DPH6: variants seen among roughly 807,000 people sequenced by gnomAD.
DPH6 encodes the protein diphthamine biosynthesis 6.
In DPH6, 33 loss-of-function variants were observed where a neutral mutation model predicts 38.2. That is an observed-to-expected ratio of 0.86 (90% CI 0.65 to 1.15). The LOEUF (loss-of-function observed/expected upper bound fraction) is 1.15, where lower values mean the gene tolerates loss of function less well. Ranked by LOEUF, DPH6 falls within the 50% of genes most tolerant of loss-of-function variation. The probability of loss-of-function intolerance (pLI) is 0.00; values close to 1 mark genes in which losing one functional copy is unlikely to be tolerated. For missense variants in DPH6, 325 were observed against 320.0 expected (o/e 1.02, Z -0.12); for synonymous variants, 108 against 103.0 (o/e 1.05, Z -0.30).
chr15:35,231,437 C>T (rs1427982113), intron 3 of DPH6, among the ~76,000 whole-genome samples: 8 of 152,214 alleles, frequency 5.3e-5, no homozygotes, highest in African/African-American at 1.9e-4. Context: ...CTCTTCAGTG[C>T]CTCTTCCAGT....
the DPH6 span, among the ~76,000 whole-genome samples, chr15:35,197,960 T>C: frequency 2.0e-5 from 3 of 152,118 alleles, no homozygotes; most frequent in South Asian, 2.1e-4. Context: ...CCTTTTTGCA[T>C]AGACGACTAG....
Position 35,355,538 on chromosome 15 carries a change from C to T in DPH6, n.207+17983G>A, listed in dbSNP as rs1260438696. Among the ~76,000 whole-genome samples, 6 of 152,292 alleles carry T rather than the reference C, an allele frequency of 3.9e-5. No individual in the cohort carries two copies. The East Asian group carries it at 1.2e-3, about 29-fold the overall frequency. On this transcript the variant is annotated intron_variant and non_coding_transcript_variant, in intron 3 of 3. Transcript: ENST00000558973. ...TGTAAAGGATTTTATTTCTCCTCCA[C>T]TTATGAAGTTTAGTTTAGCTGGATA...
chr15:35,237,909 AAGAGGAGGACGTGAGTGG>A, intron 3 of DPH6: 1 of 1,410,080 alleles, frequency 7.1e-7, no homozygotes, highest in South Asian at 1.2e-5. Flanking sequence ...GAGGAAGGTG[AAGAGGAGGACGTGAGTGG>A]AGAGGAGGAG....
At chr15:35,537,454 T>C (rs1365231261) in intron 3 of DPH6, among the ~76,000 whole-genome samples, 1 of 152,160 alleles carries the variant, frequency 6.6e-6, no homozygotes, top group Non-Finnish European at 1.5e-5. Flanking sequence ...ATAACTGAAC[T>C]GTATTCAAAT....
intron 3 of DPH6, among the ~76,000 whole-genome samples, chr15:35,263,360 C>G (rs1475172116): frequency 6.8e-6 from 1 of 148,130 alleles, no homozygotes; most frequent in Non-Finnish European, 1.5e-5. Flanking sequence ...AAATACTTTA[C>G]ATGGAATATA....
intron 3 of DPH6, among the ~76,000 whole-genome samples, chr15:35,525,737 C>T (rs754623569): frequency 1.9e-3 from 294 of 152,126 alleles, no homozygotes; most frequent in Non-Finnish European, 1.8e-3. Flanking sequence ...ATATGCAGGA[C>T]GCTGAGGCAG....
chr15:35,390,429 CAG>C (rs2053037510), intron 6 of DPH6, among the ~76,000 whole-genome samples: 1 of 152,324 alleles, frequency 6.6e-6, no homozygotes, highest in African/African-American at 2.4e-5. Flanking sequence ...TAATATCCTG[CAG>C]AGTGTTTTCC....
chr15:35,154,891 T>C, the DPH6 span, among the ~76,000 whole-genome samples: 22 of 152,310 alleles, frequency 1.4e-4, no homozygotes, highest in East Asian at 1.9e-4. Context: ...CTAAGTTTGA[T>C]TGAGACAAAG....
chr15:35,391,591 C>G (rs1394256306), intron 6 of DPH6, among the ~76,000 whole-genome samples: 3 of 152,200 alleles, frequency 2.0e-5, no homozygotes, highest in Admixed American at 2.0e-4. Flanking sequence ...TGATCTCAGA[C>G]TGCTGTGCTA....
At chr15:35,472,529 A>C (rs922251203) in intron 3 of DPH6, among the ~76,000 whole-genome samples, 24 of 152,202 alleles carry the variant, frequency 1.6e-4, no homozygotes, top group African/African-American at 5.8e-4. Context: ...ATGACAGTAC[A>C]GACATTTAAG....
At chr15:35,298,648 C>G (rs1445256512) in intron 3 of DPH6, 1 of 1,187,184 alleles carries the variant, frequency 8.4e-7, no homozygotes, top group Non-Finnish European at 1.3e-6. Flanking sequence ...TGCTGGTCTT[C>G]TCCACCGAAA....
intron 3 of DPH6, chr15:35,298,722 G>A (rs1169997310): frequency 6.3e-7 from 1 of 1,580,664 alleles, no homozygotes; most frequent in African/African-American, 1.3e-5. Context: ...CCGTACTTCT[G>A]TATGATCTTG....
the DPH6 span, among the ~76,000 whole-genome samples, chr15:35,199,064 C>T: frequency 7.2e-5 from 11 of 151,870 alleles, no homozygotes; most frequent in Non-Finnish European, 5.9e-5. Context: ...GGACTACAGG[C>T]GCCCGCCACA....
intron 3 of DPH6, chr15:35,522,135 T>C (rs893939072): frequency 1.9e-6 from 3 of 1,613,202 alleles, no homozygotes; most frequent in Non-Finnish European, 2.5e-6. Flanking sequence ...AAGGAGGAAA[T>C]GTGTGTTTAT....
At chr15:35,185,724 CTTTTTTTTTTTT>C in the DPH6 span, among the ~76,000 whole-genome samples, 1 of 83,016 alleles carries the variant, frequency 1.2e-5, no homozygotes, top group East Asian at 2.7e-4. Flanking sequence ...CCAATCCACT[CTTTTTTTTTTTT>C]TTTTTTTTTT....
Position 35,243,149 on chromosome 15 carries a change from A to G in DPH6, n.201-22567T>C, listed in dbSNP as rs547697693. 1.6e-4 allele frequency among the ~76,000 whole-genome samples: 23 copies of G among 142,156 alleles called. 6 individuals are homozygous for G. Among genetic ancestry groups the G allele is most frequent in the East Asian group, 6.6e-4 (3 of 4,538 alleles). 93.3% of individuals were successfully genotyped at this position (142,156 alleles called of 152,430 possible). ...AGTTTTTCAATTCATACAAAACCGT[A>G]TCCAGGCCATCACCAATAATTCTAC... On this transcript the variant is annotated intron_variant and non_coding_transcript_variant, in intron 3 of 3. Coordinates refer to the DPH6 transcript ENST00000560386.
At chr15:35,409,022 A>G (rs2053330696) in intron 6 of DPH6, among the ~76,000 whole-genome samples, 1 of 151,950 alleles carries the variant, frequency 6.6e-6, no homozygotes, top group South Asian at 2.1e-4. Context: ...GAGCGAGAAT[A>G]AAGACAGTCG....
the DPH6 span, among the ~76,000 whole-genome samples, chr15:35,183,454 C>G: frequency 7.2e-5 from 11 of 152,158 alleles, no homozygotes; most frequent in Non-Finnish European, 1.2e-4. Context: ...TCTAAAAGGA[C>G]CCTGCAGAGC....
chr15:35,515,272 A>C (rs1157335064), intron 3 of DPH6, among the ~76,000 whole-genome samples: 1 of 152,178 alleles, frequency 6.6e-6, no homozygotes, highest in Non-Finnish European at 1.5e-5. Context: ...GCTCAAAGGA[A>C]AAAGCATATA....
Sources: gnomAD v4.1 joint callset for allele counts (sites outside exome capture counted in the v4.1 genomes callset) on GRCh38, gnomAD v4.1.1 for gene constraint, MANE v1.5 for transcripts, NCBI Gene and HGNC (gene_info 2026-07-23, HGNC 2026-07-21) for gene names.